RNF180: variants seen among roughly 807,000 people sequenced by gnomAD.
RNF180 encodes ring finger protein 180, also known as E3 ubiquitin-protein ligase RNF180.
RNF180 carries 38 observed loss-of-function variants against 59.2 expected under a neutral mutation model. That is an observed-to-expected ratio of 0.64 (90% CI 0.50 to 0.84). The LOEUF (loss-of-function observed/expected upper bound fraction) is 0.84. Ranked by LOEUF, RNF180 falls within the 40% of genes least tolerant of loss-of-function variation. The pLI, the probability that RNF180 is intolerant of heterozygous loss-of-function variation, is 0.00. For missense variants in RNF180, 705 were observed against 700.9 expected, an observed-to-expected ratio of 1.01 and a Z score of -0.07; for synonymous variants, 262 against 240.3, an observed-to-expected ratio of 1.09 and a Z score of -0.84.
At chr5:64,358,314 A>G (rs537152840) in intron 7 of RNF180, among the ~76,000 whole-genome samples, 7 of 151,540 alleles carry the variant, frequency 4.6e-5, no homozygotes, top group East Asian at 3.9e-4. Flanking sequence ...TCATTGGACA[A>G]TCATTTTCAT....
At chr5:64,215,709 T>C (rs1404231315) in intron 4 of RNF180, among the ~76,000 whole-genome samples, 7 of 152,060 alleles carry the variant, frequency 4.6e-5, no homozygotes, top group African/African-American at 1.7e-4. Flanking sequence ...CATAGGTAAA[T>C]TGGAAGTGAT....
At chr5:64,311,254 G>C (rs1743749797) in intron 5 of RNF180, among the ~76,000 whole-genome samples, 1 of 151,868 alleles carries the variant, frequency 6.6e-6, no homozygotes, top group Admixed American at 6.6e-5. Context: ...TGGCTCTTTG[G>C]GATAGAGGAA....
intron 5 of RNF180, among the ~76,000 whole-genome samples, chr5:64,284,429 T>G (rs1742176432): frequency 6.6e-6 from 1 of 152,346 alleles, no homozygotes; most frequent in South Asian, 2.1e-4. Context: ...TTTTCTTGGA[T>G]GATATGCTCA....
intron 5 of RNF180, among the ~76,000 whole-genome samples, chr5:64,228,363 A>T (rs1342691205): frequency 6.6e-6 from 1 of 152,012 alleles, no homozygotes; most frequent in Non-Finnish European, 1.5e-5. Flanking sequence ...AAAAATGTAT[A>T]CTTAGCTGGG....
Position 64,177,526 on chromosome 5 carries a change from CATATAT to C in RNF180, c.-1+11608_-1+11613del, listed in dbSNP as rs58046669. 4.1e-3 allele frequency among the ~76,000 whole-genome samples: 435 copies of C among 105,170 alleles called. 1 individual carries two copies. The highest frequency in any genetic ancestry group is 7.6e-3 in the East Asian group (16 of 2,102). The allele number at this position is 105,170 out of a possible 152,430, so 69.0% of individuals were successfully genotyped here. On this transcript the variant is annotated intron_variant, in intron 1 of 7. Coordinates refer to ENST00000389100, the MANE Select transcript of RNF180 (RefSeq NM_001113561.2). Reference sequence around the variant, plus strand: ...TTTTTTTCAAAGGCATAAATTATGCCATATATATATATATATATATATATATATATA... The same window carrying C: ...TTTTTTTCAAAGGCATAAATTATGCCATATATATATATATATATATATATA...
chr5:64,325,722 A>G (rs986197265), intron 6 of RNF180, among the ~76,000 whole-genome samples: 1 of 152,124 alleles, frequency 6.6e-6, no homozygotes, highest in African/African-American at 2.4e-5. Flanking sequence ...TTTATTCCTC[A>G]TATCTGCCTT....
At chr5:64,282,275 G>C (rs931000189) in intron 5 of RNF180, among the ~76,000 whole-genome samples, 1 of 151,986 alleles carries the variant, frequency 6.6e-6, no homozygotes, top group African/African-American at 2.4e-5. Flanking sequence ...GTTCATTCTT[G>C]GGAGGTTGTA....
At position 64,343,140 on chromosome 5, in the gene RNF180, A is replaced by T. The variant is rs1745423807; in HGVS notation, c.1579+12734A>T. Among the ~76,000 whole-genome samples, 3 of 152,276 alleles carry T rather than the reference A, an allele frequency of 2.0e-5. No individual in the cohort carries two copies. The South Asian group carries it at 6.2e-4, about 32-fold the overall frequency. ...AAAATGTGACCACTCATCAAAAAAGAAAGTACAAAATAGAAACACATCTCC... is the reference window on the plus strand; with the variant it reads ...AAAATGTGACCACTCATCAAAAAAGTAAGTACAAAATAGAAACACATCTCC... On this transcript the variant is annotated intron_variant, in intron 7 of 7. Coordinates refer to ENST00000389100, the MANE Select transcript of RNF180 (RefSeq NM_001113561.2).
At chr5:64,326,163 C>T (rs948901156) in intron 6 of RNF180, among the ~76,000 whole-genome samples, 5 of 151,988 alleles carry the variant, frequency 3.3e-5, no homozygotes, top group South Asian at 4.2e-4. Flanking sequence ...ATATATGGTG[C>T]GTCTTTCTTC....
chr5:64,364,259 T>C (rs1414727558), intron 7 of RNF180, among the ~76,000 whole-genome samples: 1 of 151,802 alleles, frequency 6.6e-6, no homozygotes, highest in Admixed American at 6.6e-5. Flanking sequence ...ATTCCTTCAA[T>C]GCCTAGTTGG....
chr5:64,330,606 G>A (rs1194967210), intron 7 of RNF180, among the ~76,000 whole-genome samples, 200 bp downstream of exon 7: 1 of 152,218 alleles, frequency 6.6e-6, no homozygotes, highest in Admixed American at 6.5e-5. Flanking sequence ...TACAATAAGA[G>A]CAAATCCGAA....
intron 5 of RNF180, among the ~76,000 whole-genome samples, chr5:64,261,375 C>T (rs1419333858): frequency 2.6e-5 from 4 of 152,112 alleles, no homozygotes; most frequent in Non-Finnish European, 2.9e-5. Flanking sequence ...ATCCTCAAGC[C>T]TGGGTAATCC....
intron 1 of RNF180, among the ~76,000 whole-genome samples, chr5:64,191,171 G>T (rs1338208774): frequency 6.6e-6 from 1 of 152,122 alleles, no homozygotes; most frequent in African/African-American, 2.4e-5. Flanking sequence ...AAAATGAGCA[G>T]AAAGTTACAG....
At chr5:64,197,928 A>G (rs749182853) in intron 1 of RNF180, among the ~76,000 whole-genome samples, 4 of 152,168 alleles carry the variant, frequency 2.6e-5, no homozygotes, top group Non-Finnish European at 5.9e-5. Flanking sequence ...AGTAAATTCA[A>G]GGTGTTCCTT....
chr5:64,204,620 T>C (rs1751924819), intron 2 of RNF180, among the ~76,000 whole-genome samples: 1 of 152,190 alleles, frequency 6.6e-6, no homozygotes, highest in Non-Finnish European at 1.5e-5. Context: ...TTTCCCAGTT[T>C]ATGTAACTTA....
At chr5:64,290,841 G>T (rs569140714) in intron 5 of RNF180, among the ~76,000 whole-genome samples, 1 of 152,194 alleles carries the variant, frequency 6.6e-6, no homozygotes, top group African/African-American at 2.4e-5. Context: ...TTGCCATTCT[G>T]TGTCTTTTAA....
chr5:64,281,685 A>T (rs1742018037), intron 5 of RNF180, among the ~76,000 whole-genome samples: 1 of 152,058 alleles, frequency 6.6e-6, no homozygotes, highest in Non-Finnish European at 1.5e-5. Flanking sequence ...TTCAGTAGAG[A>T]CAAGGTTTCA....
At chr5:64,251,118 A>G (rs986852488) in intron 5 of RNF180, among the ~76,000 whole-genome samples, 1 of 152,218 alleles carries the variant, frequency 6.6e-6, no homozygotes, top group African/African-American at 2.4e-5. Context: ...TATTCTTTTG[A>G]TATAGAAAAA....
chr5:64,254,907 T>C (rs1310403265), intron 5 of RNF180, among the ~76,000 whole-genome samples: 3 of 152,124 alleles, frequency 2.0e-5, no homozygotes, highest in Non-Finnish European at 4.4e-5. Flanking sequence ...TGAAGTGATA[T>C]CTGATATCTT....
Sources: gnomAD v4.1 joint callset for allele counts (sites outside exome capture counted in the v4.1 genomes callset) on GRCh38, gnomAD v4.1.1 for gene constraint, MANE v1.5 for transcripts, NCBI Gene and HGNC (gene_info 2026-07-23, HGNC 2026-07-21) for gene names.